The following IQSEC2 variants were observed in gnomAD, a reference collection of about 807,000 sequenced individuals.
The protein encoded by IQSEC2 is IQ motif and SEC7 domain-containing protein 2.
IQSEC2 carries 6 observed loss-of-function variants against 74.6 expected under a neutral mutation model. That is an observed-to-expected ratio of 0.08 (90% CI 0.04 to 0.16). IQSEC2 has a LOEUF of 0.16. IQSEC2 is among the 10% of genes least tolerant of loss of function. IQSEC2 has a pLI of 1.00. For synonymous variants in IQSEC2, 494 were observed against 544.5 expected (o/e 0.91, Z 1.29); for missense variants, 734 against 1,306.2 (o/e 0.56, Z 6.75).
downstream of IQSEC2, chrX:53,225,936 C>G (rs1361703528): frequency 8.9e-6 from 1 of 112,810 alleles, no homozygotes; most frequent in Non-Finnish European, 1.9e-5. Context: ...TCTGTATTCA[C>G]TTTTACCATG....
At chrX:53,263,918 A>T (rs2074611667) in intron 2 of IQSEC2, among the ~76,000 whole-genome samples, 1 of 112,176 alleles carries the variant, frequency 8.9e-6, no homozygotes, top group African/African-American at 3.2e-5. Context: ...GACCTATGGC[A>T]CTCATGCCAG....
At chrX:53,226,408 A>G (rs1569288059), downstream of IQSEC2, 1 of 112,575 alleles carries the variant, frequency 8.9e-6, no homozygotes, top group Non-Finnish European at 1.9e-5. Context: ...CCATCAGACT[A>G]TGAATTCCTT....
At chrX:53,297,855 C>T (rs1207467590) in intron 1 of IQSEC2, among the ~76,000 whole-genome samples, 65 of 111,150 alleles carry the variant, frequency 5.8e-4, no homozygotes, top group African/African-American at 2.0e-3. Context: ...TCAGGCCAGG[C>T]GTGGTGGCTC....
In IQSEC2 at chrX:53,233,615, C is replaced by G. The variant is rs996200808; in HGVS notation, c.*604G>C. The G allele has an allele frequency of 4.2e-6, 1 of 237,807 alleles. No individual in the cohort carries two copies. Among genetic ancestry groups the G allele is most frequent in the Non-Finnish European group, 7.5e-6 (1 of 133,244 alleles). The allele number at this position is 237,807 out of a possible 1,213,427, so 19.6% of individuals were successfully genotyped here. A position where few individuals can be genotyped will look rare whatever the true frequency, so the allele number is the denominator to read the frequency against. ...TGGCTCGAGAGAGGAAGCACTGCCC[C>G]ACGTGGGGCCAACACAAGCAGGGTC... On this transcript the variant is annotated 3_prime_UTR_variant, in exon 15 of 15. Coordinates refer to ENST00000642864, the MANE Select transcript of IQSEC2 (RefSeq NM_001111125.3).
chrX:53,231,558 C>G (rs1234920421), downstream of IQSEC2: 2 of 111,598 alleles, frequency 1.8e-5, no homozygotes, highest in Non-Finnish European at 3.8e-5. Flanking sequence ...GTTGTTATCC[C>G]CATCTTACAG....
At chrX:53,237,782 T>G in intron 12 of IQSEC2, 2 of 239,193 alleles carry the variant, frequency 8.4e-6, no homozygotes, top group Non-Finnish European at 7.8e-6. Flanking sequence ...CCCAATTTCG[T>G]ATAGGAAGAA....
intron 2 of IQSEC2, among the ~76,000 whole-genome samples, chrX:53,276,533 C>T (rs2074836684): frequency 8.9e-6 from 1 of 112,490 alleles, no homozygotes; most frequent in Non-Finnish European, 1.9e-5. Flanking sequence ...AACATTTATA[C>T]CATGTATTTC....
chrX:53,233,666 C>T lies in IQSEC2; in HGVS notation c.*553G>A, dbSNP rs1291316424. On this transcript the variant is annotated 3_prime_UTR_variant, in exon 15 of 15. Coordinates refer to ENST00000642864, the MANE Select transcript of IQSEC2 (RefSeq NM_001111125.3). ...CCACCCACCAAGTGCATCAATGGTC[C>T]GTGTCCTCCAGCAGGCAAAAAGACA... The T allele has an allele frequency of 6.5e-5, 18 of 276,903 alleles. No individual in the cohort carries two copies. The highest frequency in any genetic ancestry group is 3.3e-4 in the African/African-American group (12 of 36,199). 22.8% of individuals were successfully genotyped at this position (276,903 alleles called of 1,213,427 possible).
intron 1 of IQSEC2, among the ~76,000 whole-genome samples, chrX:53,296,041 T>C (rs992948619): frequency 3.8e-5 from 4 of 105,811 alleles, no homozygotes. Context: ...AGAAGTAGAT[T>C]TTTTTTTTTT....
At chrX:53,247,537 C>A (rs1158897735) in intron 7 of IQSEC2, among the ~76,000 whole-genome samples, 1 of 111,934 alleles carries the variant, frequency 8.9e-6, no homozygotes, top group Non-Finnish European at 1.9e-5. Flanking sequence ...GAAACAAGTT[C>A]TCAGCAACTC....
At chrX:53,292,816 T>C (rs2075114758) in intron 1 of IQSEC2, among the ~76,000 whole-genome samples, 1 of 111,474 alleles carries the variant, frequency 9.0e-6, no homozygotes, top group Non-Finnish European at 1.9e-5. Flanking sequence ...TGTGTGTGTG[T>C]GTACGGGAGG....
intron 1 of IQSEC2, among the ~76,000 whole-genome samples, chrX:53,305,804 T>C (rs2075255790): frequency 9.0e-6 from 1 of 111,257 alleles, no homozygotes; most frequent in Non-Finnish European, 1.9e-5. Flanking sequence ...CCTGCAAGCT[T>C]GGCCCCTCTC....
At chrX:53,299,894 G>A (rs1252331732) in intron 1 of IQSEC2, among the ~76,000 whole-genome samples, 2 of 111,059 alleles carry the variant, frequency 1.8e-5, no homozygotes, top group Admixed American at 9.6e-5. Context: ...AGAACCACAG[G>A]TACATGCCAC....
At chrX:53,274,186 G>T (rs2074787010) in intron 2 of IQSEC2, among the ~76,000 whole-genome samples, 1 of 111,373 alleles carries the variant, frequency 9.0e-6, no homozygotes, top group Admixed American at 9.6e-5. Flanking sequence ...TTGCAGTTTG[G>T]ATTGTGGTGT....
At position 53,255,985 on chromosome X, in the gene IQSEC2, T is replaced by C. The variant is rs782010142; in HGVS notation, c.814A>G (p.Ser272Gly). ...TGGCTGCTGGAGGGGGGCAGCTGGC[T>C]CAGCCGGTAGGGGGGTTGGCTCCCA... The part of the protein sequence containing the change: ...SPGSQPPYRL[S>G]QLPPSSSHMG... Residue 272 changes from serine (S) to glycine (G), a missense_variant, in exon 3 of 15, where the codon AGC becomes GGC. Ser to Gly is a moderately conservative substitution (Grantham distance 56, BLOSUM62 0). Transcript: ENST00000642864. 6.7e-6 allele frequency: 8 copies of C among 1,189,516 alleles called. No homozygotes were observed. Among genetic ancestry groups the C allele is most frequent in the Non-Finnish European group, 9.1e-6 (8 of 883,279 alleles).
rs781899074 is a variant in IQSEC2 at position 53,238,191 on chromosome X, G to A, written c.3231C>T (p.Arg1077=). 10 of 1,206,130 alleles carry A rather than the reference G, an allele frequency of 8.3e-6. No homozygotes were observed. In the East Asian group the frequency reaches 8.9e-5, roughly 11 times the overall value. The part of the protein sequence containing the change: ...QDRLRFTSDL[R]ESIAEVQEME... ...TCTCCTGCACCTCCGCAATGGACTC[G>A]CGCAGGTCGGATGTAAAGCGCAGCC... is the stretch of plus-strand genomic sequence containing the variant. The change falls in exon 12 of 15, where the codon CGC becomes CGT. Residue 1077 remains arginine, a synonymous_variant. Coordinates refer to ENST00000642864, the MANE Select transcript of IQSEC2 (RefSeq NM_001111125.3).
At chrX:53,236,227 G>A (rs1359938008) in intron 13 of IQSEC2, 95 bp downstream of exon 13, 1 of 946,122 alleles carries the variant, frequency 1.1e-6, no homozygotes, top group Non-Finnish European at 1.5e-6. Context: ...TGCATGTGTG[G>A]CAGGTGGAGG....
At chrX:53,282,534 G>A (rs1024986055) in intron 2 of IQSEC2, among the ~76,000 whole-genome samples, 7 of 112,947 alleles carry the variant, frequency 6.2e-5, no homozygotes, top group Non-Finnish European at 1.1e-4. Flanking sequence ...TGAGCAGAAG[G>A]CGGCCCTGGG....
chrX:53,245,781 TCATATATTGGTTC>T (rs1479226116), intron 8 of IQSEC2, among the ~76,000 whole-genome samples: 1 of 110,427 alleles, frequency 9.1e-6, no homozygotes, highest in African/African-American at 3.3e-5. Flanking sequence ...TTCAAGGCCC[TCATATATTGGTTC>T]CATATATTGG....
Sources: allele counts gnomAD v4.1 joint callset (sites outside exome capture counted in the v4.1 genomes callset), GRCh38; gene constraint gnomAD v4.1.1; transcripts MANE v1.5; gene names NCBI Gene and HGNC (gene_info 2026-07-23, HGNC 2026-07-21).